Variants in TMEM237 observed in about 807,000 individuals in gnomAD.
TMEM237 encodes the protein transmembrane protein 237, also known as amyotrophic lateral sclerosis 2 (juvenile) chromosome region, candidate 4.
In TMEM237, 51 loss-of-function variants were observed where a neutral mutation model predicts 59.1. The ratio of observed to expected loss-of-function variants is 0.86; its 90% CI spans 0.69 to 1.09. The LOEUF is 1.09. Ranked by LOEUF, TMEM237 falls within the 50% of genes least tolerant of loss-of-function variation. The probability of loss-of-function intolerance (pLI) is 0.00; values close to 1 mark genes in which losing one functional copy is unlikely to be tolerated. For synonymous variants in TMEM237, 140 were observed against 166.1 expected (o/e 0.84, Z 1.21); for missense variants, 475 against 478.3 (o/e 0.99, Z 0.06).
chr2:201,621,271 G>A lies in TMEM237; in HGVS notation c.*2984C>T, dbSNP rs1249711270. On this transcript the variant is annotated 3_prime_UTR_variant, in exon 13 of 13. Transcript: ENST00000409883. ...TGAGGCACTCTAAAGCAACTAGCTT[G>A]GACTCTTCAAAAAATTGTCATGGGA... 4 of 152,144 alleles carry A rather than the reference G, an allele frequency of 2.6e-5. No homozygotes were observed. Among genetic ancestry groups the A allele is most frequent in the Non-Finnish European group, 5.9e-5 (4 of 68,020 alleles). The allele number at this position is 152,144 out of a possible 1,614,324, so 9.4% of individuals were successfully genotyped here.
In TMEM237 at chr2:201,629,531, T is replaced by A. The variant is rs551305054; in HGVS notation, c.678-110A>T. ...ATAAAATTCAACATTTCATGACAAGTAAAAGCAAGCTCTTTCTTTTTAGTT... is the reference window on the plus strand; with the variant it reads ...ATAAAATTCAACATTTCATGACAAGAAAAAGCAAGCTCTTTCTTTTTAGTT... On this transcript the variant is annotated intron_variant, in intron 8 of 12. Transcript: ENST00000409883. 14 of 1,329,666 alleles carry A rather than the reference T, an allele frequency of 1.1e-5. No homozygotes were observed. In the East Asian group the frequency reaches 3.6e-4, roughly 35 times the overall value. 82.4% of individuals were successfully genotyped at this position (1,329,666 alleles called of 1,614,324 possible). A position where few individuals can be genotyped will look rare whatever the true frequency, so the allele number is the denominator to read the frequency against.
chr2:201,640,065 G>A (rs942074967), intron 3 of TMEM237, among the ~76,000 whole-genome samples, 196 bp downstream of exon 3: 5 of 152,182 alleles, frequency 3.3e-5, no homozygotes, highest in Admixed American at 3.3e-4. Context: ...GGGATGAAGT[G>A]CTTTTATAAT....
At chr2:201,641,016 G>C in intron 1 of TMEM237, 92 bp from the exon 2 acceptor site, 1 of 1,137,212 alleles carries the variant, frequency 8.8e-7, no homozygotes. Context: ...TTTTGAGATG[G>C]TGTATTGCTG....
Position 201,643,274 on chromosome 2 carries a change from G to GGGCCCC in TMEM237, c.42+84_42+85insGGGGCC. ...CCTTAGTGATTCCCAGCTCGTTGGC[G>GGGCCCC]CCCCCCCACACACACCCACCCCCAC... On this transcript the variant is annotated intron_variant, in intron 1 of 12. Transcript: ENST00000409883. The surrounding 1 kb of genome is among the most constrained non-coding windows in gnomAD (Gnocchi z 4.3). 3.3e-6 allele frequency: 4 copies of GGGCCCC among 1,206,740 alleles called. No homozygotes were observed. The highest frequency in any genetic ancestry group is 4.7e-6 in the Non-Finnish European group (4 of 849,300). The allele number at this position is 1,206,740 out of a possible 1,614,324, so 74.8% of individuals were successfully genotyped here.
intron 9 of TMEM237, 22 bp downstream of exon 9, chr2:201,629,208 G>C: frequency 6.6e-7 from 1 of 1,510,102 alleles, no homozygotes; most frequent in Non-Finnish European, 8.8e-7. Flanking sequence ...AAGTTAGACA[G>C]ATCTGGAGTC....
intron 1 of TMEM237, 86 bp from the exon 2 acceptor site, chr2:201,641,010 G>C (rs1194281495): frequency 8.4e-7 from 1 of 1,193,764 alleles, no homozygotes; most frequent in Non-Finnish European, 1.2e-6. Context: ...TTTTTTTTTT[G>C]AGATGGTGTA....
In TMEM237 at chr2:201,642,795, C is replaced by G. The variant is rs1574589311; in HGVS notation, c.42+564G>C. The G allele has an allele frequency of 4.3e-6, 6 of 1,411,436 alleles. No individual in the cohort carries two copies. In the South Asian group the frequency reaches 6.4e-5, roughly 15 times the overall value. The allele number at this position is 1,411,436 out of a possible 1,614,324, so 87.4% of individuals were successfully genotyped here. On this transcript the variant is annotated intron_variant, in intron 1 of 12. Coordinates refer to ENST00000409883, the MANE Select transcript of TMEM237 (RefSeq NM_001044385.3). The stretch of plus-strand genomic sequence containing the variant: ...GTTGCGGTGAGAGGCGTGCAGGGAC[C>G]TGGATTGGCCAGTCCAGACTAGCCC...
chr2:201,637,744 CAAAA>C (rs60167652), intron 4 of TMEM237, among the ~76,000 whole-genome samples: 3 of 63,414 alleles, frequency 4.7e-5, no homozygotes, highest in Admixed American at 1.8e-4. Context: ...GACTCCGTCT[CAAAA>C]AAAAAAAAAA....
Position 201,643,274 on chromosome 2 carries a change from G to GGCCCCCCCCCCCCC in TMEM237, c.42+84_42+85insGGGGGGGGGGGGGC. 5 of 1,206,752 alleles carry GGCCCCCCCCCCCCC rather than the reference G, an allele frequency of 4.1e-6. No homozygotes were observed. The highest frequency in any genetic ancestry group is 5.9e-6 in the Non-Finnish European group (5 of 849,312). 74.8% of individuals were successfully genotyped at this position (1,206,752 alleles called of 1,614,324 possible). The stretch of plus-strand genomic sequence containing the variant: ...CCTTAGTGATTCCCAGCTCGTTGGC[G>GGCCCCCCCCCCCCC]CCCCCCCACACACACCCACCCCCAC... On this transcript the variant is annotated intron_variant, in intron 1 of 12. Transcript: ENST00000409883. This position sits in a 1 kb window ranked among gnomAD's most constrained non-coding sequence, Gnocchi z 4.3.
At chr2:201,641,257 G>A (rs967853009) in intron 1 of TMEM237, among the ~76,000 whole-genome samples, 4 of 152,170 alleles carry the variant, frequency 2.6e-5, no homozygotes, top group African/African-American at 7.2e-5. Context: ...CTCTGAAAGT[G>A]GTGGGATTAT....
At chr2:201,629,118 A>G (rs1957785054) in intron 9 of TMEM237, 112 bp downstream of exon 9, 1 of 812,178 alleles carries the variant, frequency 1.2e-6, no homozygotes. Context: ...AACTTTTTGA[A>G]GTAACATTGA....
intron 3 of TMEM237, 139 bp from the exon 4 acceptor site, chr2:201,639,184 A>G: frequency 1.4e-6 from 1 of 734,698 alleles, no homozygotes. Flanking sequence ...TTAGGGGAAG[A>G]AGGCAAGAAA....
rs1234517768 is a variant in TMEM237 at position 201,623,600 on chromosome 2, T to C, written c.*655A>G. The C allele has an allele frequency of 1.3e-5, 2 of 152,520 alleles. No individual in the cohort carries two copies. The highest frequency in any genetic ancestry group is 4.8e-5 in the African/African-American group (2 of 41,436). 9.4% of individuals were successfully genotyped at this position (152,520 alleles called of 1,614,324 possible). A position where few individuals can be genotyped will look rare whatever the true frequency, so the allele number is the denominator to read the frequency against. On this transcript the variant is annotated 3_prime_UTR_variant, in exon 13 of 13. Coordinates refer to ENST00000409883, the MANE Select transcript of TMEM237 (RefSeq NM_001044385.3). The stretch of plus-strand genomic sequence containing the variant: ...AGATTTTTAAAATCTCCCTCTATGA[T>C]CCTGATGTACAACCAGATATGAGAA...
chr2:201,629,705 GA>G (rs777480042), intron 8 of TMEM237, 23 bp downstream of exon 8: 3 of 1,583,348 alleles, frequency 1.9e-6, no homozygotes, highest in Non-Finnish European at 2.6e-6. Flanking sequence ...TTTATTTTAA[GA>G]AAAGTCCAAC....
At chr2:201,625,304 G>A (rs1255193842) in intron 12 of TMEM237, among the ~76,000 whole-genome samples, 1 of 151,882 alleles carries the variant, frequency 6.6e-6, no homozygotes, top group African/African-American at 2.4e-5. Flanking sequence ...GGAGCTTGCA[G>A]TGAGCCCAGA....
intron 4 of TMEM237, among the ~76,000 whole-genome samples, chr2:201,637,982 G>A (rs1417825064): frequency 6.6e-6 from 1 of 152,154 alleles, no homozygotes; most frequent in Non-Finnish European, 1.5e-5. Flanking sequence ...AGCAGAGTCA[G>A]TCATACTAAT....
chr2:201,629,891 G>C (rs1291488853), intron 7 of TMEM237, 39 bp from the exon 8 acceptor site: 10 of 1,587,302 alleles, frequency 6.3e-6, no homozygotes, highest in Non-Finnish European at 8.5e-6. Flanking sequence ...ACTAGCGAGA[G>C]AGAACCCTGG....
intron 6 of TMEM237, 25 bp downstream of exon 6, chr2:201,633,286 G>A (rs955649984): frequency 6.3e-7 from 1 of 1,585,586 alleles, no homozygotes; most frequent in East Asian, 2.3e-5. Context: ...CTGGAGAATA[G>A]TTAGAAGAAT....
Position 201,628,161 on chromosome 2 carries a change from A to G in TMEM237, c.870-12T>C, listed in dbSNP as rs1559585538. ...TAGCAAAGTCAATCCTAGAAAATAT[A>G]AAAGTTTCTTGTCACAGCGCAGTTG... On this transcript the variant is annotated splice_polypyrimidine_tract_variant and intron_variant, in intron 9 of 12. Transcript: ENST00000409883. 4 of 1,430,720 alleles carry G rather than the reference A, an allele frequency of 2.8e-6. No individual in the cohort carries two copies. The highest frequency in any genetic ancestry group is 1.8e-4 in the Middle Eastern group (1 of 5,452). 88.6% of individuals were successfully genotyped at this position (1,430,720 alleles called of 1,614,324 possible).
Sources: allele counts gnomAD v4.1 joint callset (sites outside exome capture counted in the v4.1 genomes callset), GRCh38; gene constraint gnomAD v4.1.1; non-coding constraint Gnocchi (gnomAD v3.1); transcripts MANE v1.5; gene names NCBI Gene and HGNC (gene_info 2026-07-23, HGNC 2026-07-21).